AGTPBP1: variants seen among roughly 807,000 people sequenced by gnomAD.
The protein encoded by AGTPBP1 is ATP/GTP binding carboxypeptidase 1.
AGTPBP1 carries 70 observed loss-of-function variants against 143.9 expected under a neutral mutation model. The observed-to-expected ratio is 0.49, with a 90% CI of 0.40 to 0.59. AGTPBP1 has a LOEUF of 0.59. AGTPBP1 is among the 20% of genes least tolerant of loss of function. The pLI, the probability that AGTPBP1 is intolerant of heterozygous loss-of-function variation, is 0.00. For synonymous variants in AGTPBP1, 463 were observed against 500.2 expected, an observed-to-expected ratio of 0.93 and a Z score of 0.99; for missense variants, 1,229 against 1,464.5, an observed-to-expected ratio of 0.84 and a Z score of 2.62.
At chr9:85,647,351 C>A (rs1365664465) in intron 11 of AGTPBP1, among the ~76,000 whole-genome samples, 1 of 152,186 alleles carries the variant, frequency 6.6e-6, no homozygotes, top group African/African-American at 2.4e-5. Context: ...GGCCCATGGG[C>A]AGCATATTGG....
intron 14 of AGTPBP1, among the ~76,000 whole-genome samples, chr9:85,627,826 A>G (rs1831398767): frequency 6.6e-6 from 1 of 152,190 alleles, no homozygotes; most frequent in Non-Finnish European, 1.5e-5. Flanking sequence ...TCTTTTCTCT[A>G]ACTTACCTTT....
intron 1 of AGTPBP1, among the ~76,000 whole-genome samples, chr9:85,720,600 A>G (rs1323252030): frequency 6.6e-6 from 1 of 151,732 alleles, no homozygotes; most frequent in Non-Finnish European, 1.5e-5. Context: ...GATTTTTTTC[A>G]AAAAACCAGC....
At chr9:85,583,856 A>C (rs1828437217) in intron 23 of AGTPBP1, among the ~76,000 whole-genome samples, 1 of 152,118 alleles carries the variant, frequency 6.6e-6, no homozygotes, top group Non-Finnish European at 1.5e-5. Context: ...ACCTATTATA[A>C]AGAGAAACCC....
intron 13 of AGTPBP1, among the ~76,000 whole-genome samples, chr9:85,642,419 C>T (rs1366051660): frequency 6.6e-6 from 1 of 151,834 alleles, no homozygotes; most frequent in Non-Finnish European, 1.5e-5. Context: ...ACCTCCGCCT[C>T]CCAGGTTCAA....
In AGTPBP1 at chr9:85,741,336, C is replaced by G. The variant is rs538356663; in HGVS notation, c.-34+439G>C. On this transcript the variant is annotated intron_variant, in intron 1 of 25. Coordinates refer to ENST00000357081, the MANE Select transcript of AGTPBP1 (RefSeq NM_001330701.2). ...GCACAGGGGCCCGCGATTCAGCGGC[C>G]CGCTACCACTGGGGCGGGGGAGAGC... is the stretch of plus-strand genomic sequence containing the variant. 105 of 985,432 alleles carry G rather than the reference C, an allele frequency of 1.1e-4. No individual in the cohort carries two copies. The African/African-American group carries it at 1.6e-3, about 15-fold the overall frequency. 61.0% of individuals were successfully genotyped at this position (985,432 alleles called of 1,614,324 possible). A position where few individuals can be genotyped will look rare whatever the true frequency, so the allele number is the denominator to read the frequency against.
chr9:85,668,813 T>C (rs960651954), intron 8 of AGTPBP1, among the ~76,000 whole-genome samples: 1 of 151,650 alleles, frequency 6.6e-6, no homozygotes, highest in Non-Finnish European at 1.5e-5. Context: ...CTATTTTATG[T>C]ATGTTTTAAA....
chr9:85,616,536 T>A lies in AGTPBP1; in HGVS notation c.2335+2447A>T, dbSNP rs147416699. Among the ~76,000 whole-genome samples the A allele has an allele frequency of 7.8e-3, 1,190 of 152,052 alleles. 19 individuals are homozygous for A. The highest frequency in any genetic ancestry group is 0.027 in the African/African-American group (1,122 of 41,544). ...GTGAATATAGTTAGTAAAAATGCAA[T>A]CTACTTGTAGCACTTCTGAAAATTA... is the stretch of plus-strand genomic sequence containing the variant. On this transcript the variant is annotated intron_variant, in intron 17 of 25. Transcript: ENST00000357081.
chr9:85,776,103 A>T, the AGTPBP1 span, among the ~76,000 whole-genome samples: 1 of 152,238 alleles, frequency 6.6e-6, no homozygotes, highest in Non-Finnish European at 1.5e-5. Context: ...TATCCTTCGT[A>T]CAACCAGAAA....
At chr9:85,644,313 T>C (rs1480040225) in intron 12 of AGTPBP1, among the ~76,000 whole-genome samples, 1 of 151,792 alleles carries the variant, frequency 6.6e-6, no homozygotes, top group Non-Finnish European at 1.5e-5. Context: ...TCTAATAGAA[T>C]ACATAATGTT....
intron 22 of AGTPBP1, among the ~76,000 whole-genome samples, chr9:85,586,030 T>C (rs1035077435): frequency 6.6e-6 from 1 of 152,084 alleles, no homozygotes; most frequent in African/African-American, 2.4e-5. Context: ...CTGACCAACA[T>C]GGTAAAACCC....
chr9:85,745,396 T>A (rs1824568847), upstream of AGTPBP1, among the ~76,000 whole-genome samples: 1 of 152,200 alleles, frequency 6.6e-6, no homozygotes, highest in African/African-American at 2.4e-5. Context: ...AATCAACCAT[T>A]TATTGAGCAC....
chr9:85,636,021 C>T (rs1832018867), intron 13 of AGTPBP1, among the ~76,000 whole-genome samples: 1 of 151,992 alleles, frequency 6.6e-6, no homozygotes, highest in African/African-American at 2.4e-5. Context: ...ATAATGGTGA[C>T]TCTCAAAAGC....
chr9:85,600,454 C>T (rs1829590409), intron 17 of AGTPBP1, among the ~76,000 whole-genome samples: 1 of 152,162 alleles, frequency 6.6e-6, no homozygotes, highest in African/African-American at 2.4e-5. Context: ...GATAACCACA[C>T]TTAAAATAGA....
intron 2 of AGTPBP1, among the ~76,000 whole-genome samples, chr9:85,706,914 A>C (rs1837048576): frequency 6.6e-6 from 1 of 152,234 alleles, no homozygotes; most frequent in South Asian, 2.1e-4. Context: ...TCCTCAATTA[A>C]AAGACAGAGA....
At chr9:85,680,611 A>G (rs1020665347) in intron 4 of AGTPBP1, among the ~76,000 whole-genome samples, 5 of 152,006 alleles carry the variant, frequency 3.3e-5, no homozygotes, top group Non-Finnish European at 7.4e-5. Flanking sequence ...AAAGAGAGAA[A>G]AAAAAAACTG....
chr9:85,666,456 C>G (rs1440561940), intron 8 of AGTPBP1, among the ~76,000 whole-genome samples: 1 of 152,066 alleles, frequency 6.6e-6, no homozygotes, highest in Non-Finnish European at 1.5e-5. Context: ...GAGAGACCCT[C>G]AGATTACTAA....
At chr9:85,572,001 TGTG>T (rs2132996181) in intron 25 of AGTPBP1, among the ~76,000 whole-genome samples, 1 of 108,554 alleles carries the variant, frequency 9.2e-6, no homozygotes, top group Admixed American at 1.0e-4. Flanking sequence ...GTTGTTTGTG[TGTG>T]TTTTTTTTTT....
intron 1 of AGTPBP1, among the ~76,000 whole-genome samples, chr9:85,716,035 CAA>C (rs1271311466): frequency 6.6e-6 from 1 of 152,154 alleles, no homozygotes; most frequent in African/African-American, 2.4e-5. Flanking sequence ...CTTCTGAAAG[CAA>C]AGACTTGTTT....
intron 2 of AGTPBP1, among the ~76,000 whole-genome samples, chr9:85,693,751 G>C (rs1836039398): frequency 6.6e-6 from 1 of 152,118 alleles, no homozygotes; most frequent in East Asian, 1.9e-4. Context: ...TTATATTTCA[G>C]GTGATGGGAA....
Sources: allele counts gnomAD v4.1 joint callset (sites outside exome capture counted in the v4.1 genomes callset), GRCh38; gene constraint gnomAD v4.1.1; transcripts MANE v1.5; gene names NCBI Gene and HGNC (gene_info 2026-07-23, HGNC 2026-07-21).